Variants in IL1RAPL1 observed in about 807,000 individuals in gnomAD.
IL1RAPL1 encodes interleukin 1 receptor accessory protein like 1, also known as interleukin-1 receptor accessory protein-like 1.
Under a neutral mutation model 48.4 loss-of-function variants are expected in IL1RAPL1, and 3 were observed. The ratio of observed to expected loss-of-function variants is 0.06; its 90% CI spans 0.03 to 0.16. The LOEUF (loss-of-function observed/expected upper bound fraction) is 0.16, where lower values mean the gene tolerates loss of function less well. Among genes scored for constraint, IL1RAPL1 ranks in the 10% least tolerant of loss-of-function variants. The probability of loss-of-function intolerance (pLI) is 1.00; values close to 1 mark genes in which losing one functional copy is unlikely to be tolerated. For synonymous variants in IL1RAPL1, 185 were observed against 187.7 expected, an observed-to-expected ratio of 0.99 and a Z score of 0.12; for missense variants, 349 against 530.6, an observed-to-expected ratio of 0.66 and a Z score of 3.36.
chrX:29,869,374 G>C (rs1931759095), intron 6 of IL1RAPL1, among the ~76,000 whole-genome samples: 1 of 111,602 alleles, frequency 9.0e-6, no homozygotes, highest in Admixed American at 9.6e-5. Context: ...GGTAGGCACT[G>C]TCTCTACACT....
chrX:29,323,821 G>A (rs772391325), intron 3 of IL1RAPL1, among the ~76,000 whole-genome samples: 23 of 75,079 alleles, frequency 3.1e-4, no homozygotes, highest in African/African-American at 1.1e-3. Context: ...GGAGAATCAC[G>A]TAGATTAGAA....
intron 5 of IL1RAPL1, among the ~76,000 whole-genome samples, chrX:29,558,024 C>T (rs1275344203): frequency 9.0e-6 from 1 of 111,622 alleles, no homozygotes; most frequent in Non-Finnish European, 1.9e-5. Flanking sequence ...CTCCCAATCA[C>T]TGATCTCATT....
At chrX:29,695,312 T>C in intron 6 of IL1RAPL1, among the ~76,000 whole-genome samples, 1 of 111,597 alleles carries the variant, frequency 9.0e-6, no homozygotes, top group Non-Finnish European at 1.9e-5. Context: ...GTAAGACTCA[T>C]AGTATTCAGT....
At chrX:29,456,581 G>A (rs1286940715) in intron 5 of IL1RAPL1, among the ~76,000 whole-genome samples, 1 of 110,929 alleles carries the variant, frequency 9.0e-6, no homozygotes, top group Non-Finnish European at 1.9e-5. Flanking sequence ...ATCTGTGCTA[G>A]GTGCAGAAGA....
At chrX:29,385,660 A>G (rs1176678199) in intron 3 of IL1RAPL1, among the ~76,000 whole-genome samples, 1 of 112,349 alleles carries the variant, frequency 8.9e-6, no homozygotes, top group Non-Finnish European at 1.9e-5. Flanking sequence ...GGTTTCATCC[A>G]TGTTGTATCG....
At chrX:29,378,413 T>G (rs539604343) in intron 3 of IL1RAPL1, among the ~76,000 whole-genome samples, 1 of 111,914 alleles carries the variant, frequency 8.9e-6, no homozygotes, top group South Asian at 3.7e-4. Context: ...GCTGGGGAGC[T>G]GGTTTGCTTA....
chrX:28,744,202 A>G (rs933443251), intron 1 of IL1RAPL1, among the ~76,000 whole-genome samples: 13 of 111,378 alleles, frequency 1.2e-4, no homozygotes, highest in African/African-American at 4.2e-4. Context: ...AAGAGTCTTT[A>G]CATCTTTCCA....
At position 29,191,862 on chromosome X, in the gene IL1RAPL1, A is replaced by C. The variant is rs189679395; in HGVS notation, c.83-91076A>C. On this transcript the variant is annotated intron_variant, in intron 2 of 10. Coordinates refer to ENST00000378993, the MANE Select transcript of IL1RAPL1 (RefSeq NM_014271.4). Reference sequence around the variant, plus strand: ...TCTTTTCACATCCTTCTGCTGAGGCATGTGGCCCTTACAGAGATTTATCTT... The same window carrying C: ...TCTTTTCACATCCTTCTGCTGAGGCCTGTGGCCCTTACAGAGATTTATCTT... 7.7e-4 allele frequency among the ~76,000 whole-genome samples: 86 copies of C among 111,595 alleles called. No homozygotes were observed. The East Asian group carries it at 0.013, about 17-fold the overall frequency.
At chrX:29,250,937 A>C (rs1427309428) in intron 2 of IL1RAPL1, among the ~76,000 whole-genome samples, 1 of 112,144 alleles carries the variant, frequency 8.9e-6, no homozygotes, top group Admixed American at 9.5e-5. Flanking sequence ...CACTTGTGAG[A>C]AATGCATTAT....
intron 5 of IL1RAPL1, among the ~76,000 whole-genome samples, chrX:29,428,962 C>G (rs1057063777): frequency 8.9e-6 from 1 of 111,734 alleles, no homozygotes; most frequent in Non-Finnish European, 1.9e-5. Flanking sequence ...CTGCCAAGAC[C>G]ACTATCCAAC....
intron 1 of IL1RAPL1, among the ~76,000 whole-genome samples, chrX:28,779,669 TATATATATAG>T (rs1936400247): frequency 1.1e-5 from 1 of 89,698 alleles, no homozygotes; most frequent in African/African-American, 4.0e-5. Flanking sequence ...TATATATATA[TATATATATAG>T]AATGTGGAAA....
chrX:29,832,838 A>G (rs1930912963), intron 6 of IL1RAPL1, among the ~76,000 whole-genome samples: 1 of 109,828 alleles, frequency 9.1e-6, no homozygotes, highest in Non-Finnish European at 1.9e-5. Flanking sequence ...CCTGTAATAA[A>G]TATCTGTTGG....
At chrX:28,601,216 C>A (rs1219352036) in intron 1 of IL1RAPL1, among the ~76,000 whole-genome samples, 1 of 110,723 alleles carries the variant, frequency 9.0e-6, no homozygotes, top group Non-Finnish European at 1.9e-5. Context: ...GTAAAGAGAT[C>A]GAGACCATCC....
At chrX:28,884,448 C>T (rs1190896227) in intron 2 of IL1RAPL1, among the ~76,000 whole-genome samples, 2 of 110,917 alleles carry the variant, frequency 1.8e-5, no homozygotes, top group South Asian at 3.8e-4. Flanking sequence ...ACCAAAATAG[C>T]CTGCTGTTGA....
intron 2 of IL1RAPL1, among the ~76,000 whole-genome samples, chrX:28,801,351 T>G (rs144994894): frequency 0.045 from 5,014 of 111,403 alleles, 165 homozygotes; most frequent in African/African-American, 0.11. Context: ...TCTTTTTTTT[T>G]CCAATCAAAA....
intron 6 of IL1RAPL1, among the ~76,000 whole-genome samples, chrX:29,727,542 A>G (rs371899432): frequency 1.8e-5 from 2 of 112,074 alleles, no homozygotes; most frequent in African/African-American, 6.5e-5. Context: ...TTGGGATGCC[A>G]TGGGGTCATT....
At chrX:29,480,285 C>CATATAT (rs1180845228) in intron 5 of IL1RAPL1, among the ~76,000 whole-genome samples, 143 of 56,655 alleles carry the variant, frequency 2.5e-3, no homozygotes, top group African/African-American at 0.013. Context: ...TATACACACA[C>CATATAT]ATATACATAT....
At chrX:29,384,479 A>G (rs1451160651) in intron 3 of IL1RAPL1, among the ~76,000 whole-genome samples, 2 of 112,478 alleles carry the variant, frequency 1.8e-5, no homozygotes, top group Non-Finnish European at 3.8e-5. Context: ...ATACCAATAT[A>G]AAGAAAGAAG....
chrX:28,929,629 C>G (rs1923829503), intron 2 of IL1RAPL1, among the ~76,000 whole-genome samples: 2 of 112,274 alleles, frequency 1.8e-5, no homozygotes, highest in Non-Finnish European at 3.8e-5. Flanking sequence ...ATAAACAGAA[C>G]CCATCAGGAA....
Sources: gnomAD v4.1 joint callset for allele counts (sites outside exome capture counted in the v4.1 genomes callset) on GRCh38, gnomAD v4.1.1 for gene constraint, MANE v1.5 for transcripts, NCBI Gene and HGNC (gene_info 2026-07-23, HGNC 2026-07-21) for gene names.